SEMA4D: variants seen among roughly 807,000 people sequenced by gnomAD.
SEMA4D encodes semaphorin 4D.
SEMA4D carries 22 observed loss-of-function variants against 74.8 expected under a neutral mutation model. That is an observed-to-expected ratio of 0.29 (90% CI 0.21 to 0.42). The LOEUF is 0.42. Ranked by LOEUF, SEMA4D falls within the 10% of genes least tolerant of loss-of-function variation. The pLI, the probability that SEMA4D is intolerant of heterozygous loss-of-function variation, is 1.00. For synonymous variants in SEMA4D, 445 were observed against 463.7 expected (o/e 0.96, Z 0.52); for missense variants, 937 against 1,118.4 (o/e 0.84, Z 2.31).
intron 16 of SEMA4D, among the ~76,000 whole-genome samples, chr9:89,370,686 CTGGTGTG>C (rs2132413843): frequency 7.4e-6 from 1 of 135,688 alleles, no homozygotes; most frequent in South Asian, 2.4e-4. Context: ...GTGTGTGTGT[CTGGTGTG>C]TGGTATGTGG....
In SEMA4D at chr9:89,387,467, C is replaced by G. The variant is rs374159682; in HGVS notation, c.1249G>C (p.Asp417His). 21 of 1,614,128 alleles carry G rather than the reference C, an allele frequency of 1.3e-5. No individual in the cohort carries two copies. Among genetic ancestry groups the G allele is most frequent in the Non-Finnish European group, 1.5e-5 (18 of 1,180,050 alleles). Reference protein sequence around the residue: ...IDNRPRLIKKDVNYTQIVVDR... With the variant: ...IDNRPRLIKKHVNYTQIVVDR... ...ACCACGATCTGGGTGTAGTTCACAT[C>G]TTTCTTGATTAACCTGGGCCTGTTG... Residue 417 changes from aspartate (D) to histidine (H), a missense_variant, in exon 12 of 16, where the codon GAT becomes CAT. Asp to His is a moderately conservative substitution (Grantham distance 81). Coordinates refer to ENST00000422704, the MANE Select transcript of SEMA4D (RefSeq NM_001371194.2).
intron 2 of SEMA4D, among the ~76,000 whole-genome samples, chr9:89,430,859 C>CCCAG (rs201028608): frequency 0.037 from 5,601 of 152,252 alleles, 154 homozygotes; most frequent in South Asian, 0.12. Context: ...CGCCTGTAAT[C>CCCAG]CCAGCTACTC....
intron 1 of SEMA4D, among the ~76,000 whole-genome samples, chr9:89,477,807 A>T (rs1247861637): frequency 1.3e-5 from 2 of 152,216 alleles, no homozygotes; most frequent in African/African-American, 2.4e-5. Context: ...ATAATGGAAA[A>T]GTTAGTCAGC....
exon 17 of SEMA4D, chr9:89,363,791 G>A (rs1486599036): frequency 2.5e-6 from 4 of 1,613,824 alleles, no homozygotes; most frequent in South Asian, 2.2e-5. Flanking sequence ...CCCTGCTGAG[G>A]AGAGGACAGA....
chr9:89,402,065 G>A (rs1194051526), intron 4 of SEMA4D, among the ~76,000 whole-genome samples: 2 of 152,180 alleles, frequency 1.3e-5, no homozygotes, highest in African/African-American at 2.4e-5. Flanking sequence ...ACCATGAGTG[G>A]GGCTGGGTGT....
intron 15 of SEMA4D, among the ~76,000 whole-genome samples, chr9:89,380,232 C>T (rs1836718524): frequency 6.6e-6 from 1 of 152,088 alleles, no homozygotes; most frequent in African/African-American, 2.4e-5. Flanking sequence ...AGGGTCTCAC[C>T]ACGTTGCCCA....
chr9:89,439,025 A>G (rs1215950426), intron 2 of SEMA4D, among the ~76,000 whole-genome samples: 4 of 120,256 alleles, frequency 3.3e-5, no homozygotes, highest in Admixed American at 1.1e-4. Flanking sequence ...TCTATCGCCC[A>G]GGCTGGAATG....
chr9:89,399,243 T>C (rs745606169), intron 5 of SEMA4D, 33 bp downstream of exon 5: 23 of 1,576,916 alleles, frequency 1.5e-5, no homozygotes, highest in South Asian at 3.3e-5. Flanking sequence ...AATACTTGAA[T>C]GGGATTCTTT....
chr9:89,388,131 G>C (rs558033519), intron 11 of SEMA4D, among the ~76,000 whole-genome samples: 1 of 152,286 alleles, frequency 6.6e-6, no homozygotes, highest in South Asian at 2.1e-4. Context: ...GAGGGAGCTG[G>C]TGCTGCAGTG....
Position 89,456,735 on chromosome 9 carries a change from T to C in SEMA4D, c.-309-782A>G, listed in dbSNP as rs896191239. On this transcript the variant is annotated intron_variant, in intron 1 of 15. Coordinates refer to ENST00000422704, the MANE Select transcript of SEMA4D (RefSeq NM_001371194.2). ...CTGAGTAGCTGAGCTTAAAGGCACA[T>C]GCCACCACACCCGGCTGATTTTTGT... Among the ~76,000 whole-genome samples the C allele has an allele frequency of 3.3e-5, 5 of 152,130 alleles. No individual in the cohort carries two copies. In the South Asian group the frequency reaches 1.0e-3, roughly 32 times the overall value.
intron 1 of SEMA4D, among the ~76,000 whole-genome samples, chr9:89,486,285 G>A (rs1028891994): frequency 2.0e-5 from 3 of 152,194 alleles, no homozygotes; most frequent in Non-Finnish European, 2.9e-5. Context: ...GAAAAGCCTA[G>A]AGGGATGGAA....
chr9:89,461,700 C>CTCTCTTTTTTTTTTTTTTTTTTTTTTTTT (rs71281350), intron 1 of SEMA4D, among the ~76,000 whole-genome samples: 1 of 103,646 alleles, frequency 9.6e-6, no homozygotes, highest in South Asian at 3.8e-4. Flanking sequence ...TCTTTTTTCT[C>CTCTCTTTTTTTTTTTTTTTTTTTTTTTTT]TTTTTTTTTT....
intron 16 of SEMA4D, among the ~76,000 whole-genome samples, chr9:89,371,533 TG>T (rs1439414909): frequency 2.0e-4 from 4 of 20,464 alleles, no homozygotes; most frequent in Non-Finnish European, 2.9e-4. Flanking sequence ...GTGGTGTGTG[TG>T]TGGGGGTGTG....
At chr9:89,380,033 CTTTTT>C (rs951997970) in intron 15 of SEMA4D, among the ~76,000 whole-genome samples, 13 of 151,948 alleles carry the variant, frequency 8.6e-5, no homozygotes, top group African/African-American at 3.1e-4. Context: ...CTAAACTTTT[CTTTTT>C]TTTCTTTTTT....
At chr9:89,444,053 C>T (rs926401474) in intron 2 of SEMA4D, among the ~76,000 whole-genome samples, 10 of 152,190 alleles carry the variant, frequency 6.6e-5, no homozygotes, top group Non-Finnish European at 1.5e-5. Flanking sequence ...GTGGGTGGGT[C>T]CCTGACACGA....
intron 1 of SEMA4D, among the ~76,000 whole-genome samples, chr9:89,467,398 T>C (rs562571762): frequency 1.3e-5 from 2 of 148,994 alleles, no homozygotes; most frequent in South Asian, 4.4e-4. Flanking sequence ...GGCCATCAGT[T>C]ACATAAGGAC....
intron 2 of SEMA4D, chr9:89,449,682 G>GGT: frequency 6.6e-7 from 1 of 1,514,100 alleles, no homozygotes; most frequent in Admixed American, 1.7e-5. Context: ...ATCTAGCTCA[G>GGT]GTGTGTCAGT....
At chr9:89,466,724 C>T (rs979957349) in intron 1 of SEMA4D, among the ~76,000 whole-genome samples, 1 of 152,248 alleles carries the variant, frequency 6.6e-6, no homozygotes, top group African/African-American at 2.4e-5. Flanking sequence ...ACATGGTCTG[C>T]AGCCTACATG....
chr9:89,442,615 T>G (rs1479430509), intron 2 of SEMA4D, among the ~76,000 whole-genome samples: 1 of 151,844 alleles, frequency 6.6e-6, no homozygotes, highest in Non-Finnish European at 1.5e-5. Flanking sequence ...AAGGTAAAAA[T>G]GGAAAAGACA....
Sources: gnomAD v4.1 joint callset for allele counts (sites outside exome capture counted in the v4.1 genomes callset) on GRCh38, gnomAD v4.1.1 for gene constraint, MANE v1.5 for transcripts, NCBI Gene and HGNC (gene_info 2026-07-23, HGNC 2026-07-21) for gene names.